The following TTC19 variants were observed in gnomAD, a reference collection of about 807,000 sequenced individuals.
TTC19 encodes the protein tetratricopeptide repeat protein 19, mitochondrial.
In TTC19, 38 loss-of-function variants were observed where a neutral mutation model predicts 49.5. The observed-to-expected ratio is 0.77, with a 90% CI of 0.59 to 1.01. TTC19 has a LOEUF of 1.01. TTC19 is among the 50% of genes least tolerant of loss of function. The probability of loss-of-function intolerance (pLI) is 0.00; values close to 1 mark genes in which losing one functional copy is unlikely to be tolerated. For synonymous variants in TTC19, 204 were observed against 185.2 expected (o/e 1.10, Z -0.83); for missense variants, 475 against 477.7 (o/e 0.99, Z 0.05).
intron 2 of TTC19, among the ~76,000 whole-genome samples, chr17:16,039,021 C>T (rs996270903): frequency 1.3e-5 from 2 of 152,120 alleles, no homozygotes; most frequent in Non-Finnish European, 1.5e-5. Context: ...CGCCCGCCTC[C>T]GCCCCCCAAA....
intron 4 of TTC19, 97 bp from the exon 5 acceptor site, chr17:16,003,734 G>A (rs1970811740): frequency 1.8e-6 from 2 of 1,121,714 alleles, no homozygotes; most frequent in African/African-American, 1.6e-5. Flanking sequence ...GTTTTACAAG[G>A]AATGTTGCAT....
At chr17:16,035,778 GT>G in intron 2 of TTC19, among the ~76,000 whole-genome samples, 1 of 152,152 alleles carries the variant, frequency 6.6e-6, no homozygotes, top group Admixed American at 6.5e-5. Flanking sequence ...CTGGGTTCAA[GT>G]GATTCTACTG....
chr17:16,041,560 C>A (rs1257018133), intron 2 of TTC19, among the ~76,000 whole-genome samples: 2 of 150,972 alleles, frequency 1.3e-5, no homozygotes, highest in East Asian at 2.0e-4. Context: ...ATTATAGGCC[C>A]CCCGCCACCA....
In TTC19 at chr17:16,002,721, G is replaced by A. The variant is rs144889411; in HGVS notation, c.424-72G>A. 0.014 allele frequency: 20,035 copies of A among 1,455,350 alleles called. 188 individuals are homozygous for A. Among genetic ancestry groups the A allele is most frequent in the Non-Finnish European group, 0.017 (17,169 of 1,037,320 alleles). The allele number at this position is 1,455,350 out of a possible 1,614,324, so 90.2% of individuals were successfully genotyped here. A position where few individuals can be genotyped will look rare whatever the true frequency, so the allele number is the denominator to read the frequency against. ...AAATTTTGAGGGTGAAAGCAAAAGGGAATTTTAAAGTTTTGAAATAAGTAG... is the reference window on the plus strand; with the variant it reads ...AAATTTTGAGGGTGAAAGCAAAAGGAAATTTTAAAGTTTTGAAATAAGTAG... On this transcript the variant is annotated intron_variant, in intron 3 of 9. Coordinates refer to ENST00000261647, the MANE Select transcript of TTC19 (RefSeq NM_017775.4).
At position 15,999,930 on chromosome 17, in the gene TTC19, C is replaced by G; in HGVS notation, c.82C>G (p.Leu28Val). 1 of 1,341,712 alleles carries G rather than the reference C, an allele frequency of 7.5e-7. No homozygotes were observed. The highest frequency in any genetic ancestry group is 9.5e-7 in the Non-Finnish European group (1 of 1,054,370). 83.1% of individuals were successfully genotyped at this position (1,341,712 alleles called of 1,614,324 possible). ...GRRCRGCSARLLPGLAGGPGP... is the reference protein window; with the variant it reads ...GRRCRGCSARVLPGLAGGPGP... ...GCGGTGCCGGGGCTGCTCCGCGCGC[C>G]TGCTCCCGGGGCTGGCAGGAGGTCC... is the stretch of plus-strand genomic sequence containing the variant. Residue 28 changes from leucine (L) to valine (V), a missense_variant, in exon 1 of 10, where the codon CTG becomes GTG. Coordinates refer to ENST00000261647, the MANE Select transcript of TTC19 (RefSeq NM_017775.4).
chr17:16,027,087 G>A (rs1408076980), intron 9 of TTC19: 8 of 518,640 alleles, frequency 1.5e-5, no homozygotes, highest in East Asian at 7.0e-5. Flanking sequence ...ACACTATACC[G>A]ATCATTTTCA....
Position 15,999,906 on chromosome 17 carries a change from C to G in TTC19, c.58C>G (p.Arg20Gly). The G allele has an allele frequency of 7.2e-7, 1 of 1,394,324 alleles. No homozygotes were observed. Among genetic ancestry groups the G allele is most frequent in the Non-Finnish European group, 9.2e-7 (1 of 1,083,572 alleles). 86.4% of individuals were successfully genotyped at this position (1,394,324 alleles called of 1,614,324 possible). A position where few individuals can be genotyped will look rare whatever the true frequency, so the allele number is the denominator to read the frequency against. Residue 20 changes from arginine (R) to glycine (G), a missense_variant, in exon 1 of 10, where the codon CGG becomes GGG. Transcript: ENST00000261647. ...GRGFLRAAGRRCRGCSARLLP... is the reference protein window; with the variant it reads ...GRGFLRAAGRGCRGCSARLLP... ...AGGCTTCCTGCGGGCCGCGGGGCGG[C>G]GGTGCCGGGGCTGCTCCGCGCGCCT...
intron 2 of TTC19, chr17:16,041,111 T>C (rs1344458810): frequency 6.6e-6 from 1 of 152,268 alleles, no homozygotes; most frequent in Non-Finnish European, 1.5e-5. Context: ...AATGACTGTG[T>C]TTCCCTGCAT....
At chr17:16,023,743 CAA>C (rs766586687) in intron 7 of TTC19, 1 of 149,290 alleles carries the variant, frequency 6.7e-6, no homozygotes, top group African/African-American at 2.4e-5. Context: ...GCTCCAGCCT[CAA>C]AGAGTATATT....
chr17:16,020,100 C>T (rs778243728), intron 7 of TTC19, among the ~76,000 whole-genome samples: 1 of 152,074 alleles, frequency 6.6e-6, no homozygotes, highest in African/African-American at 2.4e-5. Context: ...CACTGCAAGA[C>T]TTTGTCTCAA....
At position 16,025,007 on chromosome 17, in the gene TTC19, T is replaced by A; in HGVS notation, c.677-10T>A. 10 of 1,613,864 alleles carry A rather than the reference T, an allele frequency of 6.2e-6. No homozygotes were observed. Among genetic ancestry groups the A allele is most frequent in the Non-Finnish European group, 7.6e-6 (9 of 1,179,766 alleles). Reference sequence around the variant, plus strand: ...TTGGGTAGATTTGCTGATTCCTCTTTTCTCCTTAGTGGAAGAGAAAGCCAA... The same window carrying A: ...TTGGGTAGATTTGCTGATTCCTCTTATCTCCTTAGTGGAAGAGAAAGCCAA... On this transcript the variant is annotated splice_polypyrimidine_tract_variant and intron_variant, in intron 7 of 9. Coordinates refer to ENST00000261647, the MANE Select transcript of TTC19 (RefSeq NM_017775.4).
At chr17:16,026,487 G>A in intron 8 of TTC19, 53 bp from the exon 9 acceptor site, 1 of 1,568,702 alleles carries the variant, frequency 6.4e-7, no homozygotes, top group Non-Finnish European at 8.7e-7. Flanking sequence ...CCACATTAAA[G>A]TTCTGTGAAG....
intron 7 of TTC19, among the ~76,000 whole-genome samples, chr17:16,011,181 T>C (rs1405511509): frequency 3.3e-5 from 5 of 152,210 alleles, no homozygotes; most frequent in Non-Finnish European, 7.4e-5. Context: ...TCTTCTTTTT[T>C]TTGTTTTTGT....
At chr17:16,011,469 G>T (rs911809860) in intron 7 of TTC19, among the ~76,000 whole-genome samples, 1 of 152,192 alleles carries the variant, frequency 6.6e-6, no homozygotes, top group East Asian at 1.9e-4. Context: ...CACCGCGCCC[G>T]GCCGCGTTAT....
At chr17:16,022,625 G>A (rs1412771304) in intron 7 of TTC19, among the ~76,000 whole-genome samples, 1 of 152,172 alleles carries the variant, frequency 6.6e-6, no homozygotes, top group Non-Finnish European at 1.5e-5. Context: ...TGTTACAAAT[G>A]CATATAATTG....
intron 7 of TTC19, chr17:16,023,786 A>C (rs1971456835): frequency 6.6e-6 from 1 of 152,240 alleles, no homozygotes; most frequent in Non-Finnish European, 1.5e-5. Flanking sequence ...ATATAGAAGC[A>C]AGCTGCACTT....
intron 2 of TTC19, chr17:16,044,370 G>A (rs1284681774): frequency 2.1e-6 from 1 of 470,744 alleles, no homozygotes; most frequent in African/African-American, 2.0e-5. Flanking sequence ...TTAATCACAA[G>A]AGTGACACAG....
intron 7 of TTC19, among the ~76,000 whole-genome samples, chr17:16,016,225 TC>T (rs1294062986): frequency 6.6e-6 from 1 of 152,228 alleles, no homozygotes; most frequent in Admixed American, 6.5e-5. Flanking sequence ...TCAAGTATTT[TC>T]CAATTTTGGG....
intron 7 of TTC19, among the ~76,000 whole-genome samples, chr17:16,009,481 G>A (rs1240465783): frequency 6.6e-6 from 1 of 150,484 alleles, no homozygotes; most frequent in East Asian, 1.9e-4. Flanking sequence ...TAACAATTTA[G>A]TAACATATTA....
Sources: allele counts gnomAD v4.1 joint callset (sites outside exome capture counted in the v4.1 genomes callset), GRCh38; gene constraint gnomAD v4.1.1; transcripts MANE v1.5; gene names NCBI Gene and HGNC (gene_info 2026-07-23, HGNC 2026-07-21).